FGD4: variants seen among roughly 807,000 people sequenced by gnomAD.
FGD4 encodes the protein FYVE, RhoGEF and PH domain containing 4.
FGD4 carries 42 observed loss-of-function variants against 102.0 expected under a neutral mutation model. That is an observed-to-expected ratio of 0.41 (90% CI 0.32 to 0.53). FGD4 has a LOEUF of 0.53. FGD4 is among the 20% of genes least tolerant of loss of function. FGD4 has a pLI of 0.21. For synonymous variants in FGD4, 380 were observed against 375.7 expected, an observed-to-expected ratio of 1.01 and a Z score of -0.13; for missense variants, 902 against 1,078.2, an observed-to-expected ratio of 0.84 and a Z score of 2.29.
At chr12:32,566,607 G>A (rs934677271) in intron 2 of FGD4, among the ~76,000 whole-genome samples, 8 of 152,118 alleles carry the variant, frequency 5.3e-5, no homozygotes, top group Admixed American at 1.3e-4. Context: ...TCCCTGAAAC[G>A]AGGCTACATC....
intron 1 of FGD4, among the ~76,000 whole-genome samples, chr12:32,401,933 G>A (rs1175198282): frequency 3.6e-5 from 5 of 140,436 alleles, no homozygotes; most frequent in African/African-American, 1.3e-4. Context: ...GACGGAGTCT[G>A]GCTCTGTCGC....
intron 1 of FGD4, among the ~76,000 whole-genome samples, chr12:32,474,887 A>G (rs1187706636): frequency 6.6e-6 from 1 of 152,152 alleles, no homozygotes; most frequent in African/African-American, 2.4e-5. Context: ...CTGGGTGACA[A>G]AGCCAGACCC....
intron 1 of FGD4, among the ~76,000 whole-genome samples, chr12:32,467,715 T>A (rs1369872499): frequency 6.6e-6 from 1 of 152,158 alleles, no homozygotes; most frequent in East Asian, 1.9e-4. Context: ...TCCACTGGTC[T>A]TCTTTAATTT....
chr12:32,515,167 G>A (rs1197926167), intron 1 of FGD4, among the ~76,000 whole-genome samples: 3 of 152,216 alleles, frequency 2.0e-5, no homozygotes, highest in African/African-American at 4.8e-5. Context: ...GGGAAGATAA[G>A]GAGTGGCACA....
At chr12:32,567,717 T>C (rs896879117) in intron 2 of FGD4, among the ~76,000 whole-genome samples, 1 of 149,500 alleles carries the variant, frequency 6.7e-6, no homozygotes, top group African/African-American at 2.5e-5. Flanking sequence ...AGAGAGGGTT[T>C]TATTCTGTCA....
chr12:32,579,309 G>C (rs1284047601), intron 3 of FGD4, among the ~76,000 whole-genome samples: 1 of 152,078 alleles, frequency 6.6e-6, no homozygotes, highest in South Asian at 2.1e-4. Context: ...CTCCCAAAGT[G>C]CTGGGATTAC....
At chr12:32,558,319 C>G (rs1000376927) in intron 1 of FGD4, among the ~76,000 whole-genome samples, 2 of 152,204 alleles carry the variant, frequency 1.3e-5, no homozygotes, top group Non-Finnish European at 2.9e-5. Context: ...TAAAGATCGT[C>G]TACCCTAGAA....
At chr12:32,560,048 C>T (rs1284005906) in intron 1 of FGD4, among the ~76,000 whole-genome samples, 1 of 152,094 alleles carries the variant, frequency 6.6e-6, no homozygotes, top group African/African-American at 2.4e-5. Context: ...GGGAGGTGGC[C>T]TTTAGTAGGC....
At chr12:32,576,221 G>GA (rs748985432) in intron 2 of FGD4, 45 bp from the exon 3 acceptor site, 176 of 1,538,816 alleles carry the variant, frequency 1.1e-4, no homozygotes, top group Non-Finnish European at 1.4e-4. Context: ...TATTGTTATT[G>GA]AACAAAATAT....
intron 1 of FGD4, among the ~76,000 whole-genome samples, chr12:32,418,988 G>A (rs1037303208): frequency 6.6e-6 from 1 of 152,160 alleles, no homozygotes; most frequent in African/African-American, 2.4e-5. Context: ...TCTCCCTGTG[G>A]CTGCCATCAC....
At chr12:32,462,028 G>C (rs371478050) in intron 1 of FGD4, among the ~76,000 whole-genome samples, 7 of 152,008 alleles carry the variant, frequency 4.6e-5, no homozygotes, top group African/African-American at 1.4e-4. Context: ...CCTGGCTTTT[G>C]TAACAGTTTT....
intron 1 of FGD4, among the ~76,000 whole-genome samples, chr12:32,471,097 T>C (rs1275270432): frequency 6.6e-6 from 1 of 152,210 alleles, no homozygotes; most frequent in Admixed American, 6.5e-5. Flanking sequence ...CCCCAGGTTC[T>C]TTGGCCTTTG....
chr12:32,595,782 A>G (rs1251310473), intron 4 of FGD4, among the ~76,000 whole-genome samples: 1 of 152,234 alleles, frequency 6.6e-6, no homozygotes, highest in African/African-American at 2.4e-5. Flanking sequence ...ACTTTGACTA[A>G]TTGTGGAATT....
At chr12:32,436,007 T>C (rs1014217337) in intron 1 of FGD4, among the ~76,000 whole-genome samples, 17 of 152,202 alleles carry the variant, frequency 1.1e-4, no homozygotes, top group Admixed American at 7.9e-4. Context: ...CATAAGGTTA[T>C]CCTCACTCAA....
At chr12:32,442,533 T>A (rs935260253) in intron 1 of FGD4, among the ~76,000 whole-genome samples, 3 of 151,430 alleles carry the variant, frequency 2.0e-5, no homozygotes, top group Non-Finnish European at 4.4e-5. Context: ...TATTCTGCCA[T>A]CTTGCTCTGC....
intron 2 of FGD4, among the ~76,000 whole-genome samples, chr12:32,567,686 C>CTTT (rs36064998): frequency 0.02 from 2,550 of 126,312 alleles, 79 homozygotes; most frequent in African/African-American, 0.072. Flanking sequence ...TTATTGTGGG[C>CTTT]TTTTTTTTTT....
At chr12:32,638,417 A>G (rs1950972885) in intron 15 of FGD4, among the ~76,000 whole-genome samples, 1 of 152,224 alleles carries the variant, frequency 6.6e-6, no homozygotes. Flanking sequence ...AGCTAAGGAA[A>G]GTGCCTACAT....
At chr12:32,594,806 C>T (rs1407264793) in intron 4 of FGD4, among the ~76,000 whole-genome samples, 4 of 152,118 alleles carry the variant, frequency 2.6e-5, no homozygotes, top group African/African-American at 9.7e-5. Context: ...CCAAAGCAGG[C>T]GGAACACAAG....
intron 1 of FGD4, among the ~76,000 whole-genome samples, chr12:32,415,321 A>G (rs1394372189): frequency 1.4e-5 from 2 of 147,778 alleles, no homozygotes; most frequent in Admixed American, 6.8e-5. Context: ...TAAGTCTGAT[A>G]TTTCCTTGTT....
Sources: allele counts gnomAD v4.1 joint callset (sites outside exome capture counted in the v4.1 genomes callset), GRCh38; gene constraint gnomAD v4.1.1; transcripts MANE v1.5; gene names NCBI Gene and HGNC (gene_info 2026-07-23, HGNC 2026-07-21).